DNAI4: variants seen among roughly 807,000 people sequenced by gnomAD.
DNAI4 encodes the protein WD repeat domain 78.
In DNAI4, 85 loss-of-function variants were observed where a neutral mutation model predicts 105.8. The observed-to-expected ratio is 0.80, with a 90% CI of 0.67 to 0.96. The LOEUF (loss-of-function observed/expected upper bound fraction) is 0.96. DNAI4 is among the 40% of genes least tolerant of loss of function. DNAI4 has a pLI of 0.00. For missense variants in DNAI4, 1,014 were observed against 1,005.6 expected (o/e 1.01, Z -0.11); for synonymous variants, 352 against 331.5 (o/e 1.06, Z -0.67).
intron 4 of DNAI4, among the ~76,000 whole-genome samples, chr1:66,880,578 G>A (rs1291356385): frequency 6.6e-6 from 1 of 152,148 alleles, no homozygotes; most frequent in Non-Finnish European, 1.5e-5. Flanking sequence ...GAGATTTAGG[G>A]TATCTGGCAG....
In DNAI4 at chr1:66,853,546, C is replaced by G. The variant is rs549075296; in HGVS notation, c.1097-5868G>C. ...CTAACAGTGAATGCCAAGGCAGCAA[C>G]TATGTTAAACAAATTTCCAACAAGT... On this transcript the variant is annotated intron_variant, in intron 7 of 16. Coordinates refer to ENST00000371026, the MANE Select transcript of DNAI4 (RefSeq NM_024763.5). Among the ~76,000 whole-genome samples, 26 of 152,298 alleles carry G rather than the reference C, an allele frequency of 1.7e-4. No homozygotes were observed. In the South Asian group the frequency reaches 5.4e-3, roughly 32 times the overall value.
chr1:66,922,730 T>C (rs1040542860), intron 1 of DNAI4, among the ~76,000 whole-genome samples: 12 of 152,164 alleles, frequency 7.9e-5, no homozygotes, highest in Admixed American at 7.9e-4. Context: ...CCAAGGTTTT[T>C]CCCCTGAGTA....
intron 1 of DNAI4, among the ~76,000 whole-genome samples, chr1:66,909,619 T>C (rs1649514364): frequency 1.3e-5 from 2 of 152,220 alleles, no homozygotes; most frequent in South Asian, 2.1e-4. Context: ...TCTAATGCCA[T>C]GATTTAAAAG....
At chr1:66,923,292 C>T (rs982772925) in intron 1 of DNAI4, among the ~76,000 whole-genome samples, 2 of 152,172 alleles carry the variant, frequency 1.3e-5, no homozygotes, top group African/African-American at 4.8e-5. Flanking sequence ...GTACAGTCTA[C>T]TATACAATTG....
chr1:66,847,866 T>A (rs911930000), intron 7 of DNAI4, 188 bp from the exon 8 acceptor site: 17 of 544,648 alleles, frequency 3.1e-5, no homozygotes, highest in African/African-American at 2.7e-4. Context: ...ATTTTGGAAT[T>A]CTTAACCATC....
At chr1:66,891,089 C>A in intron 4 of DNAI4, 65 bp downstream of exon 4, 5 of 1,219,040 alleles carry the variant, frequency 4.1e-6, no homozygotes, top group Non-Finnish European at 6.1e-6. Context: ...AAGTATCCAA[C>A]CAATAATAAG....
chr1:66,847,395 GC>G (rs1646299022), intron 8 of DNAI4, 88 bp downstream of exon 8: 5 of 1,295,558 alleles, frequency 3.9e-6, no homozygotes, highest in Admixed American at 2.6e-5. Flanking sequence ...CTGGGCCCAA[GC>G]AATCCTCTTC....
At chr1:66,857,193 G>A (rs1646519451) in intron 7 of DNAI4, among the ~76,000 whole-genome samples, 1 of 151,874 alleles carries the variant, frequency 6.6e-6, no homozygotes, top group Admixed American at 6.6e-5. Context: ...GTAGGGACAT[G>A]GATGAAGCTG....
intron 7 of DNAI4, 23 bp from the exon 8 acceptor site, chr1:66,847,701 A>T: frequency 6.7e-7 from 1 of 1,501,426 alleles, no homozygotes; most frequent in Non-Finnish European, 9.1e-7. Flanking sequence ...AACATGATAC[A>T]ATGATAAAAT....
chr1:66,876,409 T>C (rs1456470830), intron 4 of DNAI4, among the ~76,000 whole-genome samples: 1 of 152,154 alleles, frequency 6.6e-6, no homozygotes, highest in Non-Finnish European at 1.5e-5. Flanking sequence ...GGCACAGACA[T>C]GCTAATTATA....
At chr1:66,876,164 A>G (rs1257853879) in intron 4 of DNAI4, among the ~76,000 whole-genome samples, 1 of 152,142 alleles carries the variant, frequency 6.6e-6, no homozygotes, top group East Asian at 1.9e-4. Context: ...TAAGACAGAC[A>G]AAATGAGTAA....
intron 4 of DNAI4, among the ~76,000 whole-genome samples, chr1:66,881,056 A>G (rs907245860): frequency 3.3e-5 from 5 of 152,218 alleles, no homozygotes; most frequent in African/African-American, 9.6e-5. Flanking sequence ...TGAGCCTGTG[A>G]GTGCACAGAT....
intron 15 of DNAI4, among the ~76,000 whole-genome samples, chr1:66,825,453 T>A (rs1425977733): frequency 6.6e-6 from 1 of 151,700 alleles, no homozygotes; most frequent in Non-Finnish European, 1.5e-5. Flanking sequence ...AGTGCTGGGA[T>A]TACAGGCGTG....
chr1:66,878,568 G>C lies in DNAI4; in HGVS notation c.644-3631C>G, dbSNP rs551430053. ...TAGTGGACAGAGCTAAGAAATATTT[G>C]TATGTATACTAACTTGTATATACAA... is the stretch of plus-strand genomic sequence containing the variant. On this transcript the variant is annotated intron_variant, in intron 4 of 16. Coordinates refer to ENST00000371026, the MANE Select transcript of DNAI4 (RefSeq NM_024763.5). Among the ~76,000 whole-genome samples, 10 of 152,180 alleles carry C rather than the reference G, an allele frequency of 6.6e-5. No individual in the cohort carries two copies. The South Asian group carries it at 2.1e-3, about 32-fold the overall frequency.
intron 13 of DNAI4, among the ~76,000 whole-genome samples, chr1:66,828,796 C>G (rs1011376714): frequency 2.6e-5 from 4 of 152,100 alleles, no homozygotes; most frequent in African/African-American, 4.8e-5. Context: ...AGAAATCTTT[C>G]CCTACCTTAA....
At chr1:66,849,900 A>G (rs773377978) in intron 7 of DNAI4, among the ~76,000 whole-genome samples, 1 of 152,130 alleles carries the variant, frequency 6.6e-6, no homozygotes, top group Non-Finnish European at 1.5e-5. Context: ...GAAAAAAATG[A>G]AGACTCTCAA....
intron 4 of DNAI4, among the ~76,000 whole-genome samples, chr1:66,887,189 A>T (rs1029683113): frequency 2.0e-5 from 3 of 152,132 alleles, no homozygotes; most frequent in Non-Finnish European, 4.4e-5. Context: ...CTAGTAAAAT[A>T]CTCAGCCTCC....
intron 1 of DNAI4, among the ~76,000 whole-genome samples, chr1:66,911,123 C>T (rs920365426): frequency 6.6e-6 from 1 of 152,192 alleles, no homozygotes; most frequent in Non-Finnish European, 1.5e-5. Flanking sequence ...TTCTGAATGA[C>T]CTGCTATAAA....
intron 1 of DNAI4, among the ~76,000 whole-genome samples, chr1:66,911,486 G>A (rs1179437192): frequency 2.0e-5 from 3 of 152,124 alleles, no homozygotes; most frequent in African/African-American, 7.2e-5. Flanking sequence ...TGAGGCTGAA[G>A]GTCCCAACCC....
Sources: gnomAD v4.1 joint callset for allele counts (sites outside exome capture counted in the v4.1 genomes callset) on GRCh38, gnomAD v4.1.1 for gene constraint, MANE v1.5 for transcripts, NCBI Gene and HGNC (gene_info 2026-07-23, HGNC 2026-07-21) for gene names.